The following DNAJB6 variants were observed in gnomAD, a reference collection of about 807,000 sequenced individuals.
The protein encoded by DNAJB6 is DnaJ heat shock protein family (Hsp40) member B6.
Under a neutral mutation model 42.7 loss-of-function variants are expected in DNAJB6, and 16 were observed. That is an observed-to-expected ratio of 0.37 (90% confidence interval 0.25 to 0.57). The LOEUF is 0.57. DNAJB6 is among the 20% of genes least tolerant of loss of function. The pLI, the probability that DNAJB6 is intolerant of heterozygous loss-of-function variation, is 0.74. For missense variants in DNAJB6, 347 were observed against 416.8 expected (o/e 0.83, Z 1.46); for synonymous variants, 170 against 163.5 (o/e 1.04, Z -0.30).
intron 1 of DNAJB6, among the ~76,000 whole-genome samples, chr7:157,354,342 G>C (rs1255325370): frequency 6.6e-6 from 1 of 151,826 alleles, no homozygotes; most frequent in Non-Finnish European, 1.5e-5. Context: ...AGACAAGGTT[G>C]CTCCATGTTG....
chr7:157,384,395 G>C (rs997067483), intron 6 of DNAJB6, among the ~76,000 whole-genome samples: 1 of 152,198 alleles, frequency 6.6e-6, no homozygotes, highest in South Asian at 2.1e-4. Flanking sequence ...CTGTTCCTGT[G>C]GGGTAAGAGT....
intron 8 of DNAJB6, among the ~76,000 whole-genome samples, chr7:157,396,654 C>T (rs942161669): frequency 6.6e-6 from 1 of 152,200 alleles, no homozygotes; most frequent in Non-Finnish European, 1.5e-5. Context: ...CTCTGGGGTA[C>T]TCTGTGGACC....
chr7:157,354,578 G>A (rs1799176562), intron 1 of DNAJB6, among the ~76,000 whole-genome samples: 2 of 152,000 alleles, frequency 1.3e-5, no homozygotes, highest in South Asian at 4.2e-4. Flanking sequence ...GGCTCAAGGA[G>A]TCCTCCCACT....
chr7:157,414,906 C>T lies in DNAJB6; in HGVS notation c.899-1110C>T, dbSNP rs138376362. ...GTGACATGTTGGTCAGCGTGGCGGC[C>T]GTCAGCTGGGTGTGGAATGCATCTG... On this transcript the variant is annotated intron_variant, in intron 9 of 9. Coordinates refer to ENST00000262177, the MANE Select transcript of DNAJB6 (RefSeq NM_058246.4). The T allele has an allele frequency of 2.9e-3, 442 of 152,426 alleles. 1 individual carries two copies. Among genetic ancestry groups the T allele is most frequent in the African/African-American group, 7.0e-3 (292 of 41,572 alleles). The allele number at this position is 152,426 out of a possible 1,614,324, so 9.4% of individuals were successfully genotyped here. A position where few individuals can be genotyped will look rare whatever the true frequency, so the allele number is the denominator to read the frequency against.
chr7:157,346,896 C>T (rs950774137), intron 1 of DNAJB6, among the ~76,000 whole-genome samples: 4 of 152,306 alleles, frequency 2.6e-5, no homozygotes, highest in African/African-American at 9.6e-5. Flanking sequence ...TGCTCTGTCG[C>T]CCAGGCTGCA....
chr7:157,407,068 C>T (rs1584949456), intron 8 of DNAJB6, among the ~76,000 whole-genome samples: 1 of 152,330 alleles, frequency 6.6e-6, no homozygotes, highest in East Asian at 1.9e-4. Context: ...TTTTCACCTG[C>T]GGAGCAGGGG....
chr7:157,345,923 G>A (rs915599045), intron 1 of DNAJB6, among the ~76,000 whole-genome samples: 3 of 152,076 alleles, frequency 2.0e-5, no homozygotes, highest in Non-Finnish European at 4.4e-5. Context: ...TGGTTTCTTG[G>A]TGAGGGAAGC....
intron 8 of DNAJB6, among the ~76,000 whole-genome samples, chr7:157,390,031 C>T (rs1310142230): frequency 6.6e-6 from 1 of 152,258 alleles, no homozygotes; most frequent in East Asian, 1.9e-4. Context: ...AATGCAGGTC[C>T]TGTGAAGGCA....
intron 1 of DNAJB6, among the ~76,000 whole-genome samples, chr7:157,340,542 T>A (rs1474536584): frequency 6.6e-6 from 1 of 152,196 alleles, no homozygotes; most frequent in Non-Finnish European, 1.5e-5. Context: ...TGATTTTTTT[T>A]TTTGTATTGA....
chr7:157,361,671 C>T (rs954822902), intron 2 of DNAJB6, among the ~76,000 whole-genome samples: 8 of 152,178 alleles, frequency 5.3e-5, no homozygotes, highest in African/African-American at 7.2e-5. Context: ...TATGCTGCTT[C>T]TCTTTTTTAA....
At chr7:157,392,303 A>G (rs997857167) in intron 8 of DNAJB6, among the ~76,000 whole-genome samples, 3 of 148,956 alleles carry the variant, frequency 2.0e-5, no homozygotes, top group Admixed American at 2.0e-4. Flanking sequence ...TCTTGATTTT[A>G]TAGGAGCCCT....
At chr7:157,377,563 C>G (rs937825178) in intron 5 of DNAJB6, among the ~76,000 whole-genome samples, 6 of 152,142 alleles carry the variant, frequency 3.9e-5, no homozygotes, top group African/African-American at 1.4e-4. Flanking sequence ...TGGAAGCTAG[C>G]CAGTAAAATC....
At chr7:157,381,301 T>A (rs1362839346) in intron 5 of DNAJB6, 8 of 152,218 alleles carry the variant, frequency 5.3e-5, no homozygotes, top group African/African-American at 1.9e-4. Flanking sequence ...CTTGCCTTTG[T>A]CTTTACCTTG....
intron 2 of DNAJB6, among the ~76,000 whole-genome samples, chr7:157,360,024 C>G (rs866118286): frequency 2.9e-4 from 44 of 152,312 alleles, no homozygotes; most frequent in South Asian, 1.5e-3. Context: ...AACAGCCAGG[C>G]ATACTTGACA....
At chr7:157,406,991 C>A (rs765232235) in intron 8 of DNAJB6, among the ~76,000 whole-genome samples, 24 of 152,240 alleles carry the variant, frequency 1.6e-4, no homozygotes, top group African/African-American at 2.7e-4. Context: ...CCTCCCCAGG[C>A]GATGGCAGCC....
chr7:157,378,667 A>G (rs1486588684), intron 5 of DNAJB6: 1 of 152,174 alleles, frequency 6.6e-6, no homozygotes, highest in African/African-American at 2.4e-5. Context: ...ACTTAGTTCC[A>G]CGTTTTGGGA....
At chr7:157,388,942 C>G (rs575699492) in intron 8 of DNAJB6, among the ~76,000 whole-genome samples, 1 of 152,132 alleles carries the variant, frequency 6.6e-6, no homozygotes, top group Non-Finnish European at 1.5e-5. Context: ...TTTGGAAACT[C>G]GGGGTTTTAA....
At chr7:157,372,615 G>A (rs1216344207) in intron 5 of DNAJB6, among the ~76,000 whole-genome samples, 1 of 152,206 alleles carries the variant, frequency 6.6e-6, no homozygotes, top group Non-Finnish European at 1.5e-5. Context: ...AACTGAAGAA[G>A]CAAGAGAGGG....
chr7:157,386,429 A>G, intron 8 of DNAJB6: 1 of 424,350 alleles, frequency 2.4e-6, no homozygotes, highest in Non-Finnish European at 3.2e-6. Flanking sequence ...TTACATGTAG[A>G]CATTTTCTTC....
Sources: gnomAD v4.1 joint callset for allele counts (sites outside exome capture counted in the v4.1 genomes callset) on GRCh38, gnomAD v4.1.1 for gene constraint, MANE v1.5 for transcripts, NCBI Gene and HGNC (gene_info 2026-07-23, HGNC 2026-07-21) for gene names.